TNS2: variants seen among roughly 807,000 people sequenced by gnomAD.
The protein encoded by TNS2 is tensin-2.
A neutral mutation model predicts 155.7 loss-of-function variants in TNS2; 77 were observed. The ratio of observed to expected loss-of-function variants is 0.49; its 90% CI spans 0.41 to 0.60. The LOEUF is 0.60. Ranked by LOEUF, TNS2 falls within the 20% of genes least tolerant of loss-of-function variation. The pLI is 0.00. For missense variants in TNS2, 1,703 were observed against 1,868.8 expected (o/e 0.91, Z 1.64); for synonymous variants, 726 against 763.9 (o/e 0.95, Z 0.82).
At chr12:53,058,519 G>A in intron 15 of TNS2, 53 bp from the exon 16 acceptor site, 1 of 1,613,248 alleles carries the variant, frequency 6.2e-7, no homozygotes, top group Non-Finnish European at 8.5e-7. Context: ...CAGGCAGGCA[G>A]GAGAGTGTGG....
In TNS2 at chr12:53,061,221, C is replaced by T. The variant is rs1234818409; in HGVS notation, c.3315C>T (p.Val1105=). The T allele has an allele frequency of 6.4e-7, 1 of 1,570,468 alleles. No homozygotes were observed. The highest frequency in any genetic ancestry group is 8.6e-7 in the Non-Finnish European group (1 of 1,157,764). ...CAGCCAGAGGCATCAGTCACCATGT[C>T]ACCTTCGCACCTCTGCTCTCAGATA... ...SSPARGISHH[V]TFAPLLSDNV... is the part of the protein sequence containing the mutation. The change falls in exon 20 of 29, where the codon GTC becomes GTT. Residue 1105 remains valine (V), a synonymous_variant. Transcript: ENST00000314250.
At chr12:53,057,154 C>T in intron 11 of TNS2, 58 bp downstream of exon 11, 1 of 1,531,754 alleles carries the variant, frequency 6.5e-7, no homozygotes, top group South Asian at 1.2e-5. Context: ...GCTACCAAGG[C>T]CAAGACTCTC....
rs56215439 is a variant in TNS2 at position 53,057,762 on chromosome 12, T to C, written c.959-11T>C. 3.9e-5 allele frequency: 63 copies of C among 1,614,168 alleles called. No homozygotes were observed. The African/African-American group carries it at 7.9e-4, about 20-fold the overall frequency. On this transcript the variant is annotated splice_polypyrimidine_tract_variant and intron_variant, in intron 12 of 28. Coordinates refer to ENST00000314250, the MANE Select transcript of TNS2 (RefSeq NM_170754.4). Reference sequence around the variant, plus strand: ...AGCACCCCTCCTGTGCCTTCTCCTCTGCCCCTCCAGGCTTCCAGCCCTTCC... The same window carrying C: ...AGCACCCCTCCTGTGCCTTCTCCTCCGCCCCTCCAGGCTTCCAGCCCTTCC...
chr12:53,051,258 C>T (rs150106380), intron 1 of TNS2, among the ~76,000 whole-genome samples: 164 of 152,200 alleles, frequency 1.1e-3, no homozygotes, highest in African/African-American at 3.5e-3. Flanking sequence ...TGTTTCCCTC[C>T]AGCATGACCA....
Position 53,058,435 on chromosome 12 carries a change from G to A in TNS2, c.1215G>A (p.Glu405=), listed in dbSNP as rs1301416771. ...QLTFPKDQLD[E]AWTDERFPFQ... ...CTTTCCCCAAGGACCAGCTTGACGA[G>A]GCCTGGACTGGTGAGTCTGAGACAA... Residue 405 remains glutamate, a synonymous_variant, in exon 15 of 29, where the codon GAG becomes GAA. Transcript: ENST00000314250. The A allele has an allele frequency of 1.2e-6, 2 of 1,614,186 alleles. No homozygotes were observed. Among genetic ancestry groups the A allele is most frequent in the South Asian group, 1.1e-5 (1 of 91,084 alleles).
In TNS2 at chr12:53,064,344, C is replaced by G. The variant is rs1944478411; in HGVS notation, c.*462C>G. On this transcript the variant is annotated 3_prime_UTR_variant, in exon 29 of 29. Coordinates refer to ENST00000314250, the MANE Select transcript of TNS2 (RefSeq NM_170754.4). Reference sequence around the variant, plus strand: ...GGGAAAAAAGAGAGTCTATTTTTGTCTAATAATAAAGAATTTCTATAAACT... The same window carrying G: ...GGGAAAAAAGAGAGTCTATTTTTGTGTAATAATAAAGAATTTCTATAAACT... The G allele has an allele frequency of 1.3e-5, 2 of 157,786 alleles. No individual in the cohort carries two copies. Among genetic ancestry groups the G allele is most frequent in the Non-Finnish European group, 2.8e-5 (2 of 71,852 alleles). The allele number at this position is 157,786 out of a possible 1,614,324, so 9.8% of individuals were successfully genotyped here. A position where few individuals can be genotyped will look rare whatever the true frequency, so the allele number is the denominator to read the frequency against.
At chr12:53,051,059 G>T (rs1024042683) in intron 1 of TNS2, among the ~76,000 whole-genome samples, 3 of 152,198 alleles carry the variant, frequency 2.0e-5, no homozygotes, top group Non-Finnish European at 4.4e-5. Context: ...GATAGGCCTG[G>T]GCCATAAGGG....
intron 10 of TNS2, among the ~76,000 whole-genome samples, chr12:53,056,636 ACAC>A (rs931794015): frequency 6.6e-5 from 10 of 152,092 alleles, no homozygotes; most frequent in Admixed American, 2.0e-4. Context: ...TCTTATAAGG[ACAC>A]CAATCATATT....
At position 53,054,387 on chromosome 12, in the gene TNS2, C is replaced by A; in HGVS notation, c.468C>A (p.Gly156=). The A allele has an allele frequency of 6.2e-7, 1 of 1,611,030 alleles. No individual in the cohort carries two copies. The highest frequency in any genetic ancestry group is 8.5e-7 in the Non-Finnish European group (1 of 1,179,388). ...GGCCCGATGAACAGCGGCACCGGGGCCACCTGCGCGAGCTGGCCCATGTGC... is the reference window on the plus strand; with the variant it reads ...GGCCCGATGAACAGCGGCACCGGGGACACCTGCGCGAGCTGGCCCATGTGC... The part of the protein sequence containing the change: ...PARPDEQRHR[G]HLRELAHVLQ... Residue 156 remains glycine, a synonymous_variant, in exon 7 of 29, where the codon GGC becomes GGA. Coordinates refer to ENST00000314250, the MANE Select transcript of TNS2 (RefSeq NM_170754.4).
At chr12:53,052,013 T>G in intron 2 of TNS2, 50 bp downstream of exon 2, 4 of 1,440,330 alleles carry the variant, frequency 2.8e-6, no homozygotes, top group Non-Finnish European at 3.9e-6. Context: ...AGTACCACTG[T>G]GTTGCACAAC....
Position 53,061,254 on chromosome 12 carries a change from C to T in TNS2, c.3348C>T (p.Pro1116=), listed in dbSNP as rs561235088. The T allele has an allele frequency of 8.9e-6, 14 of 1,570,708 alleles. No homozygotes were observed. The South Asian group carries it at 1.3e-4, about 15-fold the overall frequency. ...TFAPLLSDNV[P]QTPEPPTQES... ...CACCTCTGCTCTCAGATAATGTCCC[C>T]CAAACCCCAGGTATAAAGGCCTTGA... The change falls in exon 20 of 29, where the codon CCC becomes CCT. Residue 1116 remains proline (P), a synonymous_variant. Coordinates refer to ENST00000314250, the MANE Select transcript of TNS2 (RefSeq NM_170754.4).
In TNS2 at chr12:53,057,677, C is replaced by T. The variant is rs768023640; in HGVS notation, c.956C>T (p.Thr319Ile). ...ATGCTGCCAGCCTTTGAACCTGGCA[C>T]AGGTGAGTCTGCCTGAGATGTGCTC... ...IPMLPAFEPG[T>I]GFQPFLKIYQ... The change falls in exon 12 of 29, where the codon ACA becomes ATA. Residue 319 changes from threonine to isoleucine, a missense_variant and splice_region_variant. Transcript: ENST00000314250. 9.3e-6 allele frequency: 15 copies of T among 1,614,114 alleles called. No homozygotes were observed. Among genetic ancestry groups the T allele is most frequent in the Non-Finnish European group, 1.2e-5 (14 of 1,179,960 alleles).
At position 53,063,941 on chromosome 12, in the gene TNS2, C is replaced by A; in HGVS notation, c.*59C>A. On this transcript the variant is annotated 3_prime_UTR_variant, in exon 29 of 29. Transcript: ENST00000314250. This position sits in a 1 kb window ranked among gnomAD's most constrained non-coding sequence, Gnocchi z 5.6. Reference sequence around the variant, plus strand: ...CTGCCCCCCTCCCAGCACCCCACAGCCCTCACATCCCCTGGCCTGGACCCA... The same window carrying A: ...CTGCCCCCCTCCCAGCACCCCACAGACCTCACATCCCCTGGCCTGGACCCA... 6.3e-7 allele frequency: 1 copy of A among 1,581,698 alleles called. No homozygotes were observed. Among genetic ancestry groups the A allele is most frequent in the South Asian group, 1.1e-5 (1 of 87,258 alleles).
intron 4 of TNS2, 132 bp downstream of exon 4, chr12:53,053,581 G>T: frequency 7.1e-7 from 1 of 1,403,638 alleles, no homozygotes; most frequent in Non-Finnish European, 9.8e-7. Flanking sequence ...CATCCTATGA[G>T]GAAAGAAAAA....
Position 53,055,600 on chromosome 12 carries a change from TC to T in TNS2, c.608del (p.Pro203HisfsTer95). 1 of 1,612,140 alleles carries T rather than the reference TC, an allele frequency of 6.2e-7. No homozygotes were observed. The highest frequency in any genetic ancestry group is 8.5e-7 in the Non-Finnish European group (1 of 1,178,478). On this transcript the variant is annotated frameshift_variant, in exon 9 of 29. Coordinates refer to ENST00000314250, the MANE Select transcript of TNS2 (RefSeq NM_170754.4). LOFTEE classifies it high-confidence loss of function. ...QDFGWPELHA[P>X]PLDKLCSICK... ...ACTTCGGCTGGCCTGAGCTGCATGC[TC>T]CACCCCTGGACAAGCTGTGCTCCAT...
intron 10 of TNS2, 146 bp downstream of exon 10, chr12:53,055,991 G>C: frequency 1.3e-6 from 1 of 771,856 alleles, no homozygotes; most frequent in Non-Finnish European, 2.1e-6. Flanking sequence ...TTTATCACTA[G>C]TACTGCAACA....
chr12:53,062,169 G>A lies in TNS2; in HGVS notation c.3591G>A (p.Gln1197=). ...AQPWKGDPVE[Q]LVRHFLIETG... Reference sequence around the variant, plus strand: ...TCCTCTCAGGGGACCCCGTGGAACAGCTGGTCCGCCATTTCCTCATCGAGA... The same window carrying A: ...TCCTCTCAGGGGACCCCGTGGAACAACTGGTCCGCCATTTCCTCATCGAGA... The change falls in exon 23 of 29, where the codon CAG becomes CAA. Residue 1197 remains glutamine, a synonymous_variant. Coordinates refer to ENST00000314250, the MANE Select transcript of TNS2 (RefSeq NM_170754.4). 2 of 1,614,066 alleles carry A rather than the reference G, an allele frequency of 1.2e-6. No individual in the cohort carries two copies. Among genetic ancestry groups the A allele is most frequent in the Non-Finnish European group, 1.7e-6 (2 of 1,179,968 alleles).
intron 4 of TNS2, 149 bp from the exon 5 acceptor site, chr12:53,053,625 G>T: frequency 1.5e-6 from 2 of 1,373,584 alleles, no homozygotes; most frequent in East Asian, 2.4e-5. Context: ...TTGTGCCCTT[G>T]GGCCTGCTGG....
In TNS2 at chr12:53,061,192, T is replaced by A; in HGVS notation, c.3286T>A (p.Ser1096Thr). ...ACCCTGGGGCCCAGAGCAGGCATCA[T>A]CGCCAGCCAGAGGCATCAGTCACCA... ...PGPWGPEQAS[S>T]PARGISHHVT... Residue 1096 changes from serine to threonine, a missense_variant, in exon 20 of 29, where the codon TCG becomes ACG. Physicochemically the swap from Ser to Thr is moderately conservative, Grantham distance 58. Transcript: ENST00000314250. 1 of 1,585,268 alleles carries A rather than the reference T, an allele frequency of 6.3e-7. No homozygotes were observed. The highest frequency in any genetic ancestry group is 8.6e-7 in the Non-Finnish European group (1 of 1,166,230).
Sources: gnomAD v4.1 joint callset for allele counts (sites outside exome capture counted in the v4.1 genomes callset) on GRCh38, gnomAD v4.1.1 for gene constraint, Gnocchi (gnomAD v3.1) non-coding constraint, MANE v1.5 for transcripts, NCBI Gene and HGNC (gene_info 2026-07-23, HGNC 2026-07-21) for gene names.